The following ADAMTS13 variants were observed in gnomAD, a reference collection of about 807,000 sequenced individuals.
ADAMTS13 encodes the protein A disintegrin and metalloproteinase with thrombospondin motifs 13.
In ADAMTS13, 110 loss-of-function variants were observed where a neutral mutation model predicts 155.1. That is an observed-to-expected ratio of 0.71 (90% CI 0.61 to 0.83). The LOEUF (loss-of-function observed/expected upper bound fraction) is 0.83, where lower values mean the gene tolerates loss of function less well. Ranked by LOEUF, ADAMTS13 falls within the 40% of genes least tolerant of loss-of-function variation. ADAMTS13 has a pLI of 0.00. For synonymous variants in ADAMTS13, 758 were observed against 756.4 expected, an observed-to-expected ratio of 1.00 and a Z score of -0.03; for missense variants, 1,707 against 1,891.7, an observed-to-expected ratio of 0.90 and a Z score of 1.81.
rs1841335604 is a variant in ADAMTS13 at position 133,437,635 on chromosome 9, T to C, written c.1436-114T>C. 3 of 1,175,790 alleles carry C rather than the reference T, an allele frequency of 2.6e-6. No individual in the cohort carries two copies. The East Asian group carries it at 7.4e-5, about 29-fold the overall frequency. The allele number at this position is 1,175,790 out of a possible 1,614,324, so 72.8% of individuals were successfully genotyped here. ...AGGATTATTGCCTTAGGAGGTGGGATGTGGGGAAGATAGAAACCCTTGCCC... is the reference window on the plus strand; with the variant it reads ...AGGATTATTGCCTTAGGAGGTGGGACGTGGGGAAGATAGAAACCCTTGCCC... On this transcript the variant is annotated intron_variant, in intron 12 of 28. Transcript: ENST00000355699.
chr9:133,417,140 T>G (rs1454081965), upstream of ADAMTS13, among the ~76,000 whole-genome samples: 1 of 152,160 alleles, frequency 6.6e-6, no homozygotes, highest in Non-Finnish European at 1.5e-5. Flanking sequence ...GCTCCCCGAG[T>G]AGCTGCGACT....
At chr9:133,419,514 C>T (rs781799005), upstream of ADAMTS13, among the ~76,000 whole-genome samples, 17 of 152,196 alleles carry the variant, frequency 1.1e-4, no homozygotes, top group South Asian at 8.3e-4. Context: ...AGGGTTAAGA[C>T]CAGATAGCAG....
Position 133,456,554 on chromosome 9 carries a change from C to G in ADAMTS13, c.3559C>G (p.Leu1187Val). Residue 1187 changes from leucine to valine, a missense_variant, in exon 27 of 29, where the codon CTG (leucine) becomes GTG (valine). Physicochemically the swap from Leu to Val is conservative, Grantham distance 32. Coordinates refer to ENST00000355699, the MANE Select transcript of ADAMTS13 (RefSeq NM_139027.6). This position sits in a 1 kb window ranked among gnomAD's most constrained non-coding sequence, Gnocchi z 4.4. Reference protein sequence around the residue: ...SLNCSAGDMLLLWGRLTWRKM... With the variant: ...SLNCSAGDMLVLWGRLTWRKM... ...CTGCCGCTTCCTAGGGGACATGTTG[C>G]TGCTTTGGGGCCGGCTCACCTGGAG... 1 of 1,613,462 alleles carries G rather than the reference C, an allele frequency of 6.2e-7. No homozygotes were observed. The highest frequency in any genetic ancestry group is 2.2e-5 in the East Asian group (1 of 44,884).
At chr9:133,452,667 C>T (rs971925613) in intron 23 of ADAMTS13, among the ~76,000 whole-genome samples, 1 of 152,124 alleles carries the variant, frequency 6.6e-6, no homozygotes, top group Non-Finnish European at 1.5e-5. Flanking sequence ...CCTCTTGGGC[C>T]ACTGAGCCTC....
rs147201977 is a variant in ADAMTS13 at position 133,437,776 on chromosome 9, G to A, written c.1463G>A (p.Arg488Gln). 4.0e-5 allele frequency: 65 copies of A among 1,613,748 alleles called. No individual in the cohort carries two copies. The highest frequency in any genetic ancestry group is 2.9e-4 in the African/African-American group (22 of 74,902). ...QGDALCRHMC[R>Q]AIGESFIMKR... ...GATGCTCTGTGCAGACACATGTGCC[G>A]GGCCATTGGCGAGAGCTTCATCATG... Residue 488 changes from arginine to glutamine, a missense_variant, in exon 13 of 29, where the codon CGG becomes CAG. By Grantham distance (43) the Arg-to-Gln change is conservative. Transcript: ENST00000355699.
At position 133,445,801 on chromosome 9, in the gene ADAMTS13, TC is replaced by T. The variant is rs781796310; in HGVS notation, c.2715del (p.Val906SerfsTer7). 1 of 1,588,190 alleles carries T rather than the reference TC, an allele frequency of 6.3e-7. No individual in the cohort carries two copies. The highest frequency in any genetic ancestry group is 2.3e-5 in the East Asian group (1 of 44,240). ...HVWTPAAGSCSVSCGRGLMEL... is the reference protein window; with the variant it reads ...HVWTPAAGSCXVSCGRGLMEL... ...GTGGACCCCTGCGGCAGGGTCGTGC[TC>T]CGTCTCCTGCGGGCGAGGTGAGGGC... On this transcript the variant is annotated frameshift_variant, in exon 21 of 29. Coordinates refer to ENST00000355699, the MANE Select transcript of ADAMTS13 (RefSeq NM_139027.6). LOFTEE classifies it high-confidence loss of function. The surrounding 1 kb of genome is among the most constrained non-coding windows in gnomAD (Gnocchi z 5.0).
At chr9:133,434,303 TA>T (rs1564419222) in intron 11 of ADAMTS13, among the ~76,000 whole-genome samples, 1 of 152,112 alleles carries the variant, frequency 6.6e-6, no homozygotes, top group African/African-American at 2.4e-5. Context: ...AGGAATTTTT[TA>T]AATATTATTT....
chr9:133,428,791 A>G lies in ADAMTS13; in HGVS notation c.824+20A>G, dbSNP rs1051593394. 1 of 1,291,800 alleles carries G rather than the reference A, an allele frequency of 7.7e-7. No homozygotes were observed. The highest frequency in any genetic ancestry group is 9.8e-7 in the Non-Finnish European group (1 of 1,018,540). 80.0% of individuals were successfully genotyped at this position (1,291,800 alleles called of 1,614,324 possible). A position where few individuals can be genotyped will look rare whatever the true frequency, so the allele number is the denominator to read the frequency against. On this transcript the variant is annotated intron_variant, in intron 7 of 28. Transcript: ENST00000355699. ...GCTCAGGTAGCGGCCGCCCCGTGGG[A>G]GGGGCGCGCGAGCCTCCAGCCAGCC...
At position 133,429,961 on chromosome 9, in the gene ADAMTS13, T is replaced by G; in HGVS notation, c.847T>G (p.Trp283Gly). ...CAGCGCAGGACGGGCGCGCTGCGTG[T>G]GGGACCCGCCGCGGCCTCAACCCGG... is the stretch of plus-strand genomic sequence containing the variant. ...LLSAGRARCVWDPPRPQPGSA... is the reference protein window; with the variant it reads ...LLSAGRARCVGDPPRPQPGSA... The change falls in exon 8 of 29, where the codon TGG becomes GGG. Residue 283 changes from tryptophan to glycine, a missense_variant. Physicochemically the swap from Trp to Gly is radical, Grantham distance 184 (BLOSUM62 -2). Transcript: ENST00000355699. 2 of 1,539,032 alleles carry G rather than the reference T, an allele frequency of 1.3e-6. No individual in the cohort carries two copies. The highest frequency in any genetic ancestry group is 2.7e-5 in the African/African-American group (2 of 73,304).
chr9:133,432,981 C>T (rs1437831241), intron 9 of ADAMTS13, among the ~76,000 whole-genome samples: 7 of 145,450 alleles, frequency 4.8e-5, no homozygotes, highest in African/African-American at 1.3e-4. Context: ...TGGGGTGTCT[C>T]GGGGGGGATC....
chr9:133,415,083 G>C, intron 1 of ADAMTS13: 1 of 1,256,896 alleles, frequency 8.0e-7, no homozygotes, highest in Non-Finnish European at 1.1e-6. Context: ...AAAAACTTAC[G>C]TGTGTATGTA....
chr9:133,428,653 G>A lies in ADAMTS13; in HGVS notation c.706G>A (p.Gly236Ser), dbSNP rs781916049. 4.5e-6 allele frequency: 6 copies of A among 1,332,824 alleles called. No individual in the cohort carries two copies. In the South Asian group the frequency reaches 6.9e-5, roughly 15 times the overall value. The allele number at this position is 1,332,824 out of a possible 1,614,324, so 82.6% of individuals were successfully genotyped here. The change falls in exon 7 of 29, where the codon GGC becomes AGC. Residue 236 changes from glycine (G) to serine (S), a missense_variant. Gly to Ser is a moderately conservative substitution (Grantham distance 56, BLOSUM62 0). Coordinates refer to ENST00000355699, the MANE Select transcript of ADAMTS13 (RefSeq NM_139027.6). ...GACCAGCTTCGGCCTGGAGCACGAC[G>A]GCGCGCCCGGCAGCGGCTGCGGCCC... Reference protein sequence around the residue: ...IGHSFGLEHDGAPGSGCGPSG... With the variant: ...IGHSFGLEHDSAPGSGCGPSG...
intron 23 of ADAMTS13, among the ~76,000 whole-genome samples, chr9:133,450,709 G>A (rs587652474): frequency 1.9e-4 from 29 of 152,172 alleles, no homozygotes; most frequent in African/African-American, 2.4e-4. Context: ...AGATGGCGCC[G>A]CTGGCACTCC....
At chr9:133,448,022 G>A (rs925056547) in intron 21 of ADAMTS13, among the ~76,000 whole-genome samples, 1 of 141,414 alleles carries the variant, frequency 7.1e-6, no homozygotes, top group Non-Finnish European at 1.5e-5. Context: ...ATGGAGTCTC[G>A]CTCTGTCACC....
chr9:133,425,761 C>A lies in ADAMTS13; in HGVS notation c.414+149C>A. The A allele has an allele frequency of 1.4e-6, 2 of 1,401,180 alleles. No homozygotes were observed. Among genetic ancestry groups the A allele is most frequent in the Non-Finnish European group, 2.0e-6 (2 of 1,018,976 alleles). 86.8% of individuals were successfully genotyped at this position (1,401,180 alleles called of 1,614,324 possible). Reference sequence around the variant, plus strand: ...CCAGACAGACCAGCTGCCCTCCCAGCTCTACCCAGCACTCAGCACAGGCTG... The same window carrying A: ...CCAGACAGACCAGCTGCCCTCCCAGATCTACCCAGCACTCAGCACAGGCTG... On this transcript the variant is annotated intron_variant, in intron 4 of 28. Transcript: ENST00000355699. This position sits in a 1 kb window ranked among gnomAD's most constrained non-coding sequence, Gnocchi z 4.6.
chr9:133,429,618 C>A (rs922419509), intron 7 of ADAMTS13: 3 of 513,440 alleles, frequency 5.8e-6, no homozygotes, highest in Non-Finnish European at 1.1e-5. Flanking sequence ...TCTCCCCCAC[C>A]CGCGTACATG....
At chr9:133,436,081 T>C (rs1298987009) in intron 11 of ADAMTS13, among the ~76,000 whole-genome samples, 1 of 149,722 alleles carries the variant, frequency 6.7e-6, no homozygotes, top group African/African-American at 2.5e-5. Flanking sequence ...CCTCCCAAAG[T>C]GCTGGGATTA....
At position 133,425,007 on chromosome 9, in the gene ADAMTS13, C is replaced by T. The variant is rs1445076014; in HGVS notation, c.331-522C>T. Among the ~76,000 whole-genome samples the T allele has an allele frequency of 6.6e-6, 1 of 152,194 alleles. No individual in the cohort carries two copies. The highest frequency in any genetic ancestry group is 1.5e-5 in the Non-Finnish European group (1 of 68,048). ...CTGGGGAAGGGCGGGCAGGGAAGCA[C>T]TCCCCCACTAGCCGCCGTCTCAGAA... On this transcript the variant is annotated intron_variant, in intron 3 of 28. Coordinates refer to ENST00000355699, the MANE Select transcript of ADAMTS13 (RefSeq NM_139027.6). The surrounding 1 kb of genome is among the most constrained non-coding windows in gnomAD (Gnocchi z 4.6).
chr9:133,422,624 A>G, intron 1 of ADAMTS13, 76 bp downstream of exon 1: 1 of 1,436,176 alleles, frequency 7.0e-7, no homozygotes, highest in Non-Finnish European at 9.7e-7. Flanking sequence ...GGGCGAGGGG[A>G]GTGCCAAATA....
Sources: allele counts gnomAD v4.1 joint callset (sites outside exome capture counted in the v4.1 genomes callset), GRCh38; gene constraint gnomAD v4.1.1; non-coding constraint Gnocchi (gnomAD v3.1); transcripts MANE v1.5; gene names NCBI Gene and HGNC (gene_info 2026-07-23, HGNC 2026-07-21).